PPM1B: variants seen among roughly 807,000 people sequenced by gnomAD.
PPM1B encodes the protein protein phosphatase, Mg2+/Mn2+ dependent 1B, also known as protein phosphatase 1B.
In PPM1B, 22 loss-of-function variants were observed where a neutral mutation model predicts 43.0. The observed-to-expected ratio is 0.51, with a 90% CI of 0.37 to 0.73. The LOEUF is 0.73. Ranked by LOEUF, PPM1B falls within the 30% of genes least tolerant of loss-of-function variation. The pLI is 0.00. For missense variants in PPM1B, 632 were observed against 584.2 expected (o/e 1.08, Z -0.84); for synonymous variants, 217 against 197.9 (o/e 1.10, Z -0.81).
downstream of PPM1B, chr2:44,232,183 C>G (rs1165335815): frequency 3.8e-6 from 5 of 1,327,676 alleles, no homozygotes; most frequent in African/African-American, 5.9e-5. Context: ...CACAACATCT[C>G]TCTGTAAAAG....
intron 5 of PPM1B, among the ~76,000 whole-genome samples, chr2:44,223,468 A>G (rs1245261589): frequency 6.6e-6 from 1 of 151,984 alleles, no homozygotes; most frequent in Non-Finnish European, 1.5e-5. Context: ...TTTCATATTT[A>G]CTTTTTATTC....
intron 1 of PPM1B, among the ~76,000 whole-genome samples, chr2:44,196,040 G>GA (rs1269610832): frequency 4.6e-5 from 7 of 152,124 alleles, no homozygotes; most frequent in Non-Finnish European, 8.8e-5. Flanking sequence ...AGTAATATGA[G>GA]AAAACCCAAG....
intron 1 of PPM1B, among the ~76,000 whole-genome samples, chr2:44,195,721 C>T (rs79045496): frequency 0.19 from 28,631 of 152,122 alleles, 2,826 homozygotes; most frequent in South Asian, 0.24. Context: ...GTAATCTTCT[C>T]CTTTGAGTGG....
downstream of PPM1B, chr2:44,234,567 G>A (rs1297197403): frequency 7.1e-6 from 7 of 985,204 alleles, no homozygotes; most frequent in East Asian, 6.8e-4. Context: ...GGGGCAGGGT[G>A]GGGGTTACTG....
At chr2:44,198,737 G>A (rs1668779921) in intron 1 of PPM1B, among the ~76,000 whole-genome samples, 1 of 152,104 alleles carries the variant, frequency 6.6e-6, no homozygotes, top group African/African-American at 2.4e-5. Flanking sequence ...CTCTGCAGGG[G>A]CTTGGTTTCG....
At chr2:44,186,821 T>C (rs1453762834) in intron 1 of PPM1B, among the ~76,000 whole-genome samples, 3 of 152,256 alleles carry the variant, frequency 2.0e-5, no homozygotes, top group African/African-American at 7.2e-5. Context: ...ATTCTTCTTT[T>C]TGTGTAGATG....
chr2:44,209,410 C>A, intron 3 of PPM1B, 83 bp downstream of exon 3: 1 of 1,424,450 alleles, frequency 7.0e-7, no homozygotes, highest in South Asian at 1.4e-5. Flanking sequence ...GTCGCCTGGG[C>A]GACACACCAA....
In PPM1B at chr2:44,172,980, C is replaced by T. The variant is rs113895569; in HGVS notation, c.-15+3706C>T. On this transcript the variant is annotated intron_variant, in intron 1 of 5. Coordinates refer to ENST00000282412, the MANE Select transcript of PPM1B (RefSeq NM_002706.6). ...ATTTGAGATGATTGACACTTTTGAA[C>T]ATTTCCATCCATATTCCTTTTCTTA... 2.1e-3 allele frequency among the ~76,000 whole-genome samples: 318 copies of T among 152,342 alleles called. No homozygotes were observed. The Middle Eastern group carries it at 0.024, about 11-fold the overall frequency.
chr2:44,194,556 T>A (rs1187483551), intron 1 of PPM1B, among the ~76,000 whole-genome samples: 2 of 152,114 alleles, frequency 1.3e-5, no homozygotes, highest in Admixed American at 1.3e-4. Context: ...ACCCCGTCTC[T>A]ACTAAAAATA....
chr2:44,233,495 TGAAA>T (rs1486557377), downstream of PPM1B: 26 of 984,960 alleles, frequency 2.6e-5, no homozygotes, highest in Admixed American at 6.1e-5. Flanking sequence ...AGTATTTATC[TGAAA>T]GAAGTTTCTG....
chr2:44,245,188 G>T (rs893469746), downstream of PPM1B, among the ~76,000 whole-genome samples: 1 of 152,126 alleles, frequency 6.6e-6, no homozygotes, highest in African/African-American at 2.4e-5. Flanking sequence ...GTGGTTTTGT[G>T]TCCCCAGAAG....
At chr2:44,185,114 G>A (rs1572692976) in intron 1 of PPM1B, among the ~76,000 whole-genome samples, 1 of 151,814 alleles carries the variant, frequency 6.6e-6, no homozygotes, top group South Asian at 2.1e-4. Context: ...CTTCTAAACT[G>A]TTTTGCCTGT....
At position 44,171,829 on chromosome 2, in the gene PPM1B, C is replaced by CAA. The variant is rs58214419; in HGVS notation, c.-15+2577_-15+2578dup. 3.1e-3 allele frequency among the ~76,000 whole-genome samples: 365 copies of CAA among 118,482 alleles called. 1 individual carries two copies. The highest frequency in any genetic ancestry group is 0.014 in the Middle Eastern group (3 of 218). The allele number at this position is 118,482 out of a possible 152,430, so 77.7% of individuals were successfully genotyped here. ...TGGGTGCCAGAGTAAGACTCTGTCT[C>CAA]AAAAAAAAAAAAAAAAAAAAAAAGC... On this transcript the variant is annotated intron_variant, in intron 1 of 5. Coordinates refer to ENST00000282412, the MANE Select transcript of PPM1B (RefSeq NM_002706.6).
rs543998862 is a variant in PPM1B at position 44,192,147 on chromosome 2, C to T, written c.-14-9039C>T. The stretch of plus-strand genomic sequence containing the variant: ...TAAACTTTTATTGACAATTTTCTGT[C>T]ATTTTAATTATTTTTATTTTATGTT... On this transcript the variant is annotated intron_variant, in intron 1 of 5. Coordinates refer to ENST00000282412, the MANE Select transcript of PPM1B (RefSeq NM_002706.6). Among the ~76,000 whole-genome samples, 36 of 144,532 alleles carry T rather than the reference C, an allele frequency of 2.5e-4. 1 individual carries two copies. The South Asian group carries it at 7.6e-3, about 31-fold the overall frequency. 94.8% of individuals were successfully genotyped at this position (144,532 alleles called of 152,430 possible).
chr2:44,199,321 AAAT>A lies in PPM1B; in HGVS notation c.-14-1862_-14-1860del, dbSNP rs1414270111. Among the ~76,000 whole-genome samples, 282 of 98,856 alleles carry A rather than the reference AAAT, an allele frequency of 2.9e-3. 2 individuals carry two copies. The highest frequency in any genetic ancestry group is 0.012 in the African/African-American group (273 of 23,332). 64.9% of individuals were successfully genotyped at this position (98,856 alleles called of 152,430 possible). A position where few individuals can be genotyped will look rare whatever the true frequency, so the allele number is the denominator to read the frequency against. On this transcript the variant is annotated intron_variant, in intron 1 of 5. Transcript: ENST00000282412. ...TAGATCTCAAAAAAAAAAAAAATAAAAATAAAAAAAAAAAAAATTGAGCCAGGT... is the reference window on the plus strand; with the variant it reads ...TAGATCTCAAAAAAAAAAAAAATAAAAAAAAAAAAAAAAATTGAGCCAGGT...
intron 5 of PPM1B, chr2:44,229,969 G>A (rs964528588): frequency 2.6e-6 from 4 of 1,543,732 alleles, no homozygotes; most frequent in African/African-American, 2.7e-5. Context: ...ATAGTTTTAT[G>A]TTTTGTATTT....
intron 5 of PPM1B, among the ~76,000 whole-genome samples, chr2:44,225,623 A>G (rs1457775071): frequency 2.0e-5 from 3 of 151,968 alleles, no homozygotes; most frequent in Non-Finnish European, 2.9e-5. Context: ...TGTCTACTTG[A>G]TTTATTGGTT....
At chr2:44,173,884 A>G (rs1361350870) in intron 1 of PPM1B, among the ~76,000 whole-genome samples, 3 of 152,246 alleles carry the variant, frequency 2.0e-5, no homozygotes, top group African/African-American at 4.8e-5. Context: ...TGAAGGTTGT[A>G]GTAAGCCAAG....
chr2:44,209,441 A>C (rs1669352364), intron 3 of PPM1B, 114 bp downstream of exon 3: 1 of 1,221,296 alleles, frequency 8.2e-7, no homozygotes, highest in East Asian at 2.6e-5. Flanking sequence ...CAAAAAAAAA[A>C]AAATTTAGAG....
Sources: allele counts gnomAD v4.1 joint callset (sites outside exome capture counted in the v4.1 genomes callset), GRCh38; gene constraint gnomAD v4.1.1; transcripts MANE v1.5; gene names NCBI Gene and HGNC (gene_info 2026-07-23, HGNC 2026-07-21).